SPRR2G: variants seen among roughly 807,000 people sequenced by gnomAD.
The protein encoded by SPRR2G is small proline-rich protein 2G.
A neutral mutation model predicts 0.7 loss-of-function variants in SPRR2G; 1 was observed. That is an observed-to-expected ratio of 1.49 (90% CI 0.53 to 7.06). The LOEUF (loss-of-function observed/expected upper bound fraction) is 7.06. Ranked by LOEUF, SPRR2G falls within the 30% of genes most tolerant of loss-of-function variation. The pLI is 0.14. For missense variants in SPRR2G, 96 were observed against 88.5 expected, an observed-to-expected ratio of 1.09 and a Z score of -0.34; for synonymous variants, 38 against 33.9, an observed-to-expected ratio of 1.12 and a Z score of -0.42.
chr1:153,162,100 C>T, the SPRR2G span, among the ~76,000 whole-genome samples: 4 of 152,078 alleles, frequency 2.6e-5, no homozygotes, highest in Non-Finnish European at 5.9e-5. Flanking sequence ...ATTATTTCAT[C>T]ACCCAGATAT....
upstream of SPRR2G, among the ~76,000 whole-genome samples, chr1:153,152,868 A>G (rs1181451429): frequency 2.0e-5 from 3 of 152,176 alleles, no homozygotes; most frequent in Non-Finnish European, 2.9e-5. Flanking sequence ...ATTTTTACCA[A>G]TAAATTATTT....
At chr1:153,183,273 A>G in the SPRR2G span, among the ~76,000 whole-genome samples, 1 of 150,200 alleles carries the variant, frequency 6.7e-6, no homozygotes, top group Non-Finnish European at 1.5e-5. Flanking sequence ...TTTCAGTAGA[A>G]ACAGAGTTTC....
the SPRR2G span, among the ~76,000 whole-genome samples, chr1:153,170,851 C>T: frequency 6.6e-6 from 1 of 152,238 alleles, no homozygotes; most frequent in African/African-American, 2.4e-5. Context: ...CAGGCCAGGA[C>T]CCCACAAATC....
chr1:153,182,012 T>A, the SPRR2G span, among the ~76,000 whole-genome samples: 1 of 152,176 alleles, frequency 6.6e-6, no homozygotes, highest in African/African-American at 2.4e-5. Flanking sequence ...TTACCCATAA[T>A]GGCTGTATTA....
the SPRR2G span, among the ~76,000 whole-genome samples, chr1:153,162,071 A>G: frequency 1.3e-5 from 2 of 152,134 alleles, no homozygotes; most frequent in South Asian, 4.1e-4. Flanking sequence ...AACTCGTGTC[A>G]TGGGGGTTTG....
At position 153,149,728 on chromosome 1, in the gene SPRR2G, G is replaced by A. The variant is rs368131324; in HGVS notation, c.*161C>T. On this transcript the variant is annotated 3_prime_UTR_variant, in exon 2 of 2. Transcript: ENST00000368748. ...GCTGCTCATCTTCCAACAACATATCGGTTTTCAGAACTAAGCCTTTTCTCT... is the reference window on the plus strand; with the variant it reads ...GCTGCTCATCTTCCAACAACATATCAGTTTTCAGAACTAAGCCTTTTCTCT... 1.4e-4 allele frequency: 123 copies of A among 882,322 alleles called. No individual in the cohort carries two copies. Among genetic ancestry groups the A allele is most frequent in the Non-Finnish European group, 2.0e-4 (113 of 570,534 alleles). 54.7% of individuals were successfully genotyped at this position (882,322 alleles called of 1,614,324 possible).
the SPRR2G span, chr1:153,176,410 C>T: frequency 1.3e-5 from 2 of 152,162 alleles, no homozygotes; most frequent in South Asian, 4.2e-4. Flanking sequence ...GTGCTCTTGT[C>T]CTCAGAAGAT....
chr1:153,203,104 G>T, the SPRR2G span, among the ~76,000 whole-genome samples: 1 of 152,298 alleles, frequency 6.6e-6, no homozygotes, highest in African/African-American at 2.4e-5. Flanking sequence ...GAAGGAGCAG[G>T]TTCAGAGGAA....
the SPRR2G span, among the ~76,000 whole-genome samples, chr1:153,159,707 A>G: frequency 6.6e-6 from 1 of 152,318 alleles, no homozygotes; most frequent in East Asian, 1.9e-4. Context: ...GGCCTCAGGA[A>G]ACTTACAATC....
the SPRR2G span, among the ~76,000 whole-genome samples, chr1:153,203,233 C>T: frequency 1.3e-5 from 2 of 151,804 alleles, no homozygotes; most frequent in South Asian, 2.1e-4. Flanking sequence ...ACTGCAGCCT[C>T]ATTTTACCAG....
chr1:153,201,918 A>C, the SPRR2G span, among the ~76,000 whole-genome samples: 1 of 152,234 alleles, frequency 6.6e-6, no homozygotes, highest in Non-Finnish European at 1.5e-5. Flanking sequence ...ACTTAAACCC[A>C]TATTCTTTTA....
the SPRR2G span, among the ~76,000 whole-genome samples, chr1:153,188,584 A>G: frequency 6.6e-6 from 1 of 152,182 alleles, no homozygotes; most frequent in African/African-American, 2.4e-5. Flanking sequence ...GGCAGCAAGA[A>G]TTTCAAGCCA....
the SPRR2G span, among the ~76,000 whole-genome samples, chr1:153,186,098 T>C: frequency 6.6e-6 from 1 of 152,218 alleles, no homozygotes; most frequent in Non-Finnish European, 1.5e-5. Context: ...ATAATTTCCA[T>C]TCTTTTGCAT....
the SPRR2G span, among the ~76,000 whole-genome samples, chr1:153,169,191 A>G: frequency 6.6e-6 from 1 of 152,112 alleles, no homozygotes; most frequent in Non-Finnish European, 1.5e-5. Flanking sequence ...TTGCTCTCCA[A>G]TGATTTCAAC....
At chr1:153,198,863 T>G in the SPRR2G span, among the ~76,000 whole-genome samples, 5 of 151,976 alleles carry the variant, frequency 3.3e-5, no homozygotes, top group Non-Finnish European at 5.9e-5. Flanking sequence ...GATAATAATA[T>G]CAGCAGCAAG....
the SPRR2G span, among the ~76,000 whole-genome samples, chr1:153,185,287 C>T: frequency 5.3e-5 from 8 of 150,478 alleles, no homozygotes; most frequent in Non-Finnish European, 1.0e-4. Flanking sequence ...ATGGTACCAG[C>T]TCCTCTTTGT....
the SPRR2G span, among the ~76,000 whole-genome samples, chr1:153,157,424 T>C: frequency 7.9e-5 from 12 of 152,186 alleles, no homozygotes; most frequent in African/African-American, 2.9e-4. Flanking sequence ...TTGTTGATAA[T>C]TTTTGAAGCT....
At chr1:153,188,907 A>T in the SPRR2G span, among the ~76,000 whole-genome samples, 3 of 152,188 alleles carry the variant, frequency 2.0e-5, no homozygotes, top group South Asian at 6.2e-4. Context: ...TAGGGACGGT[A>T]GTTCCCCACC....
chr1:153,181,152 C>T, the SPRR2G span, among the ~76,000 whole-genome samples: 56 of 152,058 alleles, frequency 3.7e-4, no homozygotes, highest in South Asian at 5.4e-3. Flanking sequence ...GTCATTTTTC[C>T]ACCTTATTGG....
Sources: allele counts gnomAD v4.1 joint callset (sites outside exome capture counted in the v4.1 genomes callset), GRCh38; gene constraint gnomAD v4.1.1; transcripts MANE v1.5; gene names NCBI Gene and HGNC (gene_info 2026-07-23, HGNC 2026-07-21).